The following VAV3 variants were observed in gnomAD, a reference collection of about 807,000 sequenced individuals.
VAV3 encodes the protein guanine nucleotide exchange factor VAV3.
A neutral mutation model predicts 131.2 loss-of-function variants in VAV3; 94 were observed. That is an observed-to-expected ratio of 0.72 (90% confidence interval 0.61 to 0.85). The LOEUF is 0.85. Among genes scored for constraint, VAV3 ranks in the 40% least tolerant of loss-of-function variants. The pLI is 0.00. For missense variants in VAV3, 939 were observed against 1,002.7 expected (o/e 0.94, Z 0.86); for synonymous variants, 349 against 342.0 (o/e 1.02, Z -0.22).
At chr1:107,737,334 C>T (rs1662712179) in intron 15 of VAV3, among the ~76,000 whole-genome samples, 1 of 152,146 alleles carries the variant, frequency 6.6e-6, no homozygotes, top group Non-Finnish European at 1.5e-5. Flanking sequence ...GCAATGGCAA[C>T]AAAAGCCAAA....
chr1:107,764,646 T>C (rs1169743584), intron 9 of VAV3, among the ~76,000 whole-genome samples: 1 of 152,170 alleles, frequency 6.6e-6, no homozygotes, highest in Non-Finnish European at 1.5e-5. Context: ...CCTCAACTTC[T>C]CAGGTAGCTA....
chr1:107,745,415 G>A (rs929254000), intron 15 of VAV3, among the ~76,000 whole-genome samples: 6 of 151,364 alleles, frequency 4.0e-5, no homozygotes, highest in Admixed American at 2.6e-4. Flanking sequence ...TCCTCCTGCC[G>A]TATCCAAGTG....
At chr1:107,910,705 C>T (rs555593344) in intron 1 of VAV3, among the ~76,000 whole-genome samples, 28 of 152,012 alleles carry the variant, frequency 1.8e-4, no homozygotes, top group African/African-American at 6.8e-4. Flanking sequence ...TGAGGCCATG[C>T]GTGGTGGCTC....
chr1:107,961,586 A>G (rs1223904076), intron 1 of VAV3, among the ~76,000 whole-genome samples: 1 of 152,260 alleles, frequency 6.6e-6, no homozygotes, highest in Non-Finnish European at 1.5e-5. Context: ...AATAAGAGGA[A>G]CATGTTAAAT....
intron 1 of VAV3, among the ~76,000 whole-genome samples, chr1:107,950,917 A>C (rs565378812): frequency 2.6e-5 from 4 of 152,316 alleles, no homozygotes; most frequent in Admixed American, 2.0e-4. Flanking sequence ...CTTTACTTTC[A>C]GTACTTTAGA....
At chr1:107,830,345 G>C (rs961986332) in intron 2 of VAV3, among the ~76,000 whole-genome samples, 4 of 151,646 alleles carry the variant, frequency 2.6e-5, no homozygotes, top group Non-Finnish European at 5.9e-5. Context: ...TGGGACTACA[G>C]GCATGGACCA....
rs1649247968 is a variant in VAV3, at chr1:107,571,361, C to T, written c.*1970G>A. 6.6e-6 allele frequency: 1 copy of T among 152,584 alleles called. No homozygotes were observed. Among genetic ancestry groups the T allele is most frequent in the South Asian group, 2.1e-4 (1 of 4,828 alleles). The allele number at this position is 152,584 out of a possible 1,614,324, so 9.5% of individuals were successfully genotyped here. On this transcript the variant is annotated 3_prime_UTR_variant, in exon 27 of 27. Transcript: ENST00000370056. ...TCCAAAACAAAGTATTAAACGTGGACAAAGATGTAATTGGTAATGTCACAA... is the reference window on the plus strand; with the variant it reads ...TCCAAAACAAAGTATTAAACGTGGATAAAGATGTAATTGGTAATGTCACAA...
chr1:107,697,283 G>C (rs903752111), intron 17 of VAV3, among the ~76,000 whole-genome samples: 2 of 152,146 alleles, frequency 1.3e-5, no homozygotes, highest in African/African-American at 4.8e-5. Context: ...AAGCCTCCTA[G>C]GCAGGTCCTT....
Position 107,964,986 on chromosome 1 carries a change from C to T in VAV3, c.-117G>A. 1.1e-6 allele frequency: 1 copy of T among 908,514 alleles called. No individual in the cohort carries two copies. The highest frequency in any genetic ancestry group is 1.4e-6 in the Non-Finnish European group (1 of 719,132). The allele number at this position is 908,514 out of a possible 1,614,324, so 56.3% of individuals were successfully genotyped here. On this transcript the variant is annotated 5_prime_UTR_variant, in exon 1 of 27. Coordinates refer to ENST00000370056, the MANE Select transcript of VAV3 (RefSeq NM_006113.5). ...CGCCAACAGCCGCCGGCCCTTTCCC[C>T]GCGCGGGATCGAGGGAGCAGGAGCC...
At chr1:107,604,392 G>A (rs761956903) in intron 22 of VAV3, among the ~76,000 whole-genome samples, 5 of 152,078 alleles carry the variant, frequency 3.3e-5, no homozygotes, top group African/African-American at 9.7e-5. Context: ...GGTACCTTGC[G>A]TTAAAAGAAA....
chr1:107,749,000 C>T lies in VAV3; in HGVS notation c.1470G>A (p.Lys490=), dbSNP rs1216451491. The T allele has an allele frequency of 1.2e-6, 2 of 1,611,538 alleles. No individual in the cohort carries two copies. The highest frequency in any genetic ancestry group is 1.7e-6 in the Non-Finnish European group (2 of 1,178,884). ...LEFYCKTKDL[K]KKWLEQFEMA... ...TTTCAAACTGTTCTAGCCATTTCTT[C>T]TTTAAATCTTTTGTTTTGCAATAAA... Residue 490 remains lysine (K), a synonymous_variant, in exon 15 of 27, where the codon AAG becomes AAA. Transcript: ENST00000370056.
chr1:107,932,990 G>T (rs973328059), intron 1 of VAV3, among the ~76,000 whole-genome samples: 24 of 152,154 alleles, frequency 1.6e-4, no homozygotes, highest in African/African-American at 5.6e-4. Context: ...CACTAAATTT[G>T]TCATAATTTG....
intron 17 of VAV3, among the ~76,000 whole-genome samples, chr1:107,701,394 A>G (rs1207439802): frequency 2.0e-5 from 3 of 152,192 alleles, no homozygotes; most frequent in East Asian, 1.9e-4. Flanking sequence ...AGCTGGGAAC[A>G]CAGGGCACCA....
chr1:107,694,315 C>T (rs936032678), intron 17 of VAV3, among the ~76,000 whole-genome samples: 1 of 152,060 alleles, frequency 6.6e-6, no homozygotes, highest in Non-Finnish European at 1.5e-5. Context: ...ATGTTTCAGG[C>T]AGAGGAAATA....
At chr1:107,757,400 T>C in intron 10 of VAV3, 71 bp from the exon 11 acceptor site, 1 of 1,265,174 alleles carries the variant, frequency 7.9e-7, no homozygotes, top group Non-Finnish European at 1.1e-6. Flanking sequence ...AAAACATTTT[T>C]ACAAATAAAC....
intron 13 of VAV3, 78 bp from the exon 14 acceptor site, chr1:107,749,672 C>T (rs1663585926): frequency 1.3e-6 from 2 of 1,509,722 alleles, no homozygotes; most frequent in Non-Finnish European, 1.8e-6. Flanking sequence ...TATAAAGCAA[C>T]CAAATGTTTT....
chr1:107,626,109 A>G (rs2101325922), intron 20 of VAV3, among the ~76,000 whole-genome samples: 1 of 152,312 alleles, frequency 6.6e-6, no homozygotes, highest in Admixed American at 6.5e-5. Context: ...ATTGCACTGT[A>G]CCAAGTATTG....
intron 15 of VAV3, among the ~76,000 whole-genome samples, chr1:107,717,569 G>C (rs2101903435): frequency 6.6e-6 from 1 of 152,308 alleles, no homozygotes; most frequent in East Asian, 1.9e-4. Flanking sequence ...TCTTAATCCT[G>C]AGTTCTAATT....
chr1:107,663,045 T>A (rs1657136781), intron 19 of VAV3, among the ~76,000 whole-genome samples: 1 of 152,228 alleles, frequency 6.6e-6, no homozygotes, highest in African/African-American at 2.4e-5. Flanking sequence ...GAAGAATTTA[T>A]GTTTTAAGAA....
Sources: gnomAD v4.1 joint callset for allele counts (sites outside exome capture counted in the v4.1 genomes callset) on GRCh38, gnomAD v4.1.1 for gene constraint, MANE v1.5 for transcripts, NCBI Gene and HGNC (gene_info 2026-07-23, HGNC 2026-07-21) for gene names.